RSRC1: variants seen among roughly 807,000 people sequenced by gnomAD.
RSRC1 encodes the protein arginine and serine rich coiled-coil 1.
Under a neutral mutation model 49.1 loss-of-function variants are expected in RSRC1, and 39 were observed. That is an observed-to-expected ratio of 0.79 (90% CI 0.61 to 1.04). The LOEUF (loss-of-function observed/expected upper bound fraction) is 1.04. Among genes scored for constraint, RSRC1 ranks in the 50% least tolerant of loss-of-function variants. The pLI is 0.00. For synonymous variants in RSRC1, 143 were observed against 130.8 expected (o/e 1.09, Z -0.63); for missense variants, 388 against 402.4 (o/e 0.96, Z 0.31).
intron 3 of RSRC1, among the ~76,000 whole-genome samples, chr3:158,201,293 A>C (rs1721032786): frequency 6.6e-6 from 1 of 151,960 alleles, no homozygotes; most frequent in African/African-American, 2.4e-5. Flanking sequence ...ATTTCTCTTT[A>C]CCTTTAGTTT....
At chr3:158,239,320 G>C (rs2107988304) in intron 4 of RSRC1, among the ~76,000 whole-genome samples, 1 of 152,286 alleles carries the variant, frequency 6.6e-6, no homozygotes, top group East Asian at 1.9e-4. Flanking sequence ...CAAGGATCTA[G>C]AACTAGAAAT....
At chr3:158,283,679 A>C (rs1726315631) in intron 4 of RSRC1, among the ~76,000 whole-genome samples, 1 of 152,118 alleles carries the variant, frequency 6.6e-6, no homozygotes, top group African/African-American at 2.4e-5. Flanking sequence ...TGGAGTGATT[A>C]ATATTTTGTG....
intron 5 of RSRC1, among the ~76,000 whole-genome samples, chr3:158,332,189 A>G (rs1196421929): frequency 6.6e-6 from 1 of 152,140 alleles, no homozygotes; most frequent in East Asian, 1.9e-4. Context: ...ATCATAAATT[A>G]GCAATCAAGT....
chr3:158,453,114 T>C (rs1737134142), intron 6 of RSRC1, among the ~76,000 whole-genome samples: 2 of 152,204 alleles, frequency 1.3e-5, no homozygotes, highest in Non-Finnish European at 2.9e-5. Flanking sequence ...TATTTCATAA[T>C]ATTGCACTGT....
At chr3:158,292,200 G>C (rs758529650) in intron 4 of RSRC1, among the ~76,000 whole-genome samples, 1 of 152,090 alleles carries the variant, frequency 6.6e-6, no homozygotes, top group Non-Finnish European at 1.5e-5. Flanking sequence ...TATCTGTGCT[G>C]CCTCAACTAC....
intron 6 of RSRC1, among the ~76,000 whole-genome samples, chr3:158,357,237 T>C (rs1184827042): frequency 6.6e-6 from 1 of 152,190 alleles, no homozygotes; most frequent in East Asian, 1.9e-4. Flanking sequence ...TTTGTTACTA[T>C]AGAAATGAGT....
At chr3:158,395,767 G>A (rs767674079) in intron 6 of RSRC1, among the ~76,000 whole-genome samples, 1 of 152,170 alleles carries the variant, frequency 6.6e-6, no homozygotes, top group Non-Finnish European at 1.5e-5. Flanking sequence ...AAGCAGTTTG[G>A]TGATTTCTCA....
At chr3:158,237,459 A>C (rs983020585) in intron 4 of RSRC1, among the ~76,000 whole-genome samples, 3 of 152,238 alleles carry the variant, frequency 2.0e-5, no homozygotes, top group African/African-American at 7.2e-5. Flanking sequence ...ATGTTCCAGC[A>C]AAAAGTTTCA....
At chr3:158,450,331 C>CTTTTTTTT (rs57318071) in intron 6 of RSRC1, among the ~76,000 whole-genome samples, 1 of 127,306 alleles carries the variant, frequency 7.9e-6, no homozygotes, top group Non-Finnish European at 1.7e-5. Context: ...TTCTTTTTTG[C>CTTTTTTTT]TTTTTTTTTT....
intron 6 of RSRC1, among the ~76,000 whole-genome samples, chr3:158,407,491 T>C (rs1734211595): frequency 6.6e-6 from 1 of 152,156 alleles, no homozygotes; most frequent in East Asian, 1.9e-4. Context: ...GCTAATAGAC[T>C]CATAGAACCT....
chr3:158,138,722 C>T (rs888318523), intron 3 of RSRC1, among the ~76,000 whole-genome samples: 1 of 151,926 alleles, frequency 6.6e-6, no homozygotes, highest in African/African-American at 2.4e-5. Context: ...ATAATGTTTC[C>T]TATATTCCAT....
chr3:158,409,619 A>G (rs1385133985), intron 6 of RSRC1, among the ~76,000 whole-genome samples: 1 of 152,152 alleles, frequency 6.6e-6, no homozygotes, highest in East Asian at 1.9e-4. Context: ...CATGTCCCCC[A>G]TCCTAGAAGA....
At chr3:158,286,028 C>A (rs1726531818) in intron 4 of RSRC1, among the ~76,000 whole-genome samples, 2 of 152,028 alleles carry the variant, frequency 1.3e-5, no homozygotes, top group Non-Finnish European at 2.9e-5. Flanking sequence ...TAAAATTTTC[C>A]TAACTGTTTA....
At chr3:158,121,615 A>G (rs1308008265) in intron 1 of RSRC1, among the ~76,000 whole-genome samples, 2 of 152,066 alleles carry the variant, frequency 1.3e-5, no homozygotes, top group Admixed American at 6.6e-5. Context: ...TTTCTGTTAG[A>G]AAAAAAATTC....
rs1738389802 is a variant in RSRC1 at position 158,476,875 on chromosome 3, G to T, written c.652+15872G>T. ...GCCAAAGTAAATTGAAAACCTTCTG[G>T]AAAGGATTCATTGTTTTAGACGCCA... On this transcript the variant is annotated intron_variant, in intron 7 of 9. Coordinates refer to ENST00000611884, the MANE Select transcript of RSRC1 (RefSeq NM_001271838.2). Among the ~76,000 whole-genome samples the T allele has an allele frequency of 2.0e-5, 3 of 152,114 alleles. No individual in the cohort carries two copies. In the South Asian group the frequency reaches 6.2e-4, roughly 32 times the overall value.
At chr3:158,482,053 CA>C (rs1738632141) in intron 7 of RSRC1, among the ~76,000 whole-genome samples, 1 of 151,906 alleles carries the variant, frequency 6.6e-6, no homozygotes, top group African/African-American at 2.4e-5. Flanking sequence ...TCTAGAAAGG[CA>C]GTTTAATAAA....
intron 6 of RSRC1, among the ~76,000 whole-genome samples, chr3:158,388,755 A>G (rs1733104530): frequency 6.6e-6 from 1 of 151,950 alleles, no homozygotes; most frequent in Non-Finnish European, 1.5e-5. Flanking sequence ...CACTACAGGC[A>G]CACGCCACCA....
intron 5 of RSRC1, among the ~76,000 whole-genome samples, chr3:158,328,412 T>TTG (rs1191658336): frequency 6.8e-6 from 1 of 147,098 alleles, no homozygotes; most frequent in East Asian, 2.0e-4. Flanking sequence ...TCAGGAGCTC[T>TTG]TGTAGGGCAG....
chr3:158,247,444 A>G (rs934084274), intron 4 of RSRC1, among the ~76,000 whole-genome samples: 1 of 152,092 alleles, frequency 6.6e-6, no homozygotes, highest in Non-Finnish European at 1.5e-5. Flanking sequence ...GAAAACGGCA[A>G]TCTGGCTTTT....
Sources: gnomAD v4.1 joint callset for allele counts (sites outside exome capture counted in the v4.1 genomes callset) on GRCh38, gnomAD v4.1.1 for gene constraint, MANE v1.5 for transcripts, NCBI Gene and HGNC (gene_info 2026-07-23, HGNC 2026-07-21) for gene names.